The following CHD6 variants were observed in gnomAD, a reference collection of about 807,000 sequenced individuals.
The protein encoded by CHD6 is ATP-dependent chromatin remodeler CHD6.
Under a neutral mutation model 276.9 loss-of-function variants are expected in CHD6, and 50 were observed. That is an observed-to-expected ratio of 0.18 (90% confidence interval 0.14 to 0.23). The LOEUF (loss-of-function observed/expected upper bound fraction) is 0.23, where lower values mean the gene tolerates loss of function less well. Ranked by LOEUF, CHD6 falls within the 10% of genes least tolerant of loss-of-function variation. CHD6 has a pLI of 1.00. For missense variants in CHD6, 2,564 were observed against 3,365.8 expected (o/e 0.76, Z 5.89); for synonymous variants, 1,173 against 1,229.3 (o/e 0.95, Z 0.96).
intron 3 of CHD6, among the ~76,000 whole-genome samples, chr20:41,528,538 C>T (rs894950658): frequency 6.6e-6 from 1 of 152,088 alleles, no homozygotes; most frequent in African/African-American, 2.4e-5. Flanking sequence ...TTCTTTCTTG[C>T]TTAAGTTTTA....
chr20:41,484,532 G>T lies in CHD6; in HGVS notation c.2077C>A (p.Pro693Thr). 6.2e-7 allele frequency: 1 copy of T among 1,613,878 alleles called. No homozygotes were observed. The highest frequency in any genetic ancestry group is 8.5e-7 in the Non-Finnish European group (1 of 1,179,868). ...ACCTCAATGATCGTCTCTTGTTTGG[G>T]AGCAAGGTTCTTTTCCACATCATCT... ...LKDDVEKNLA[P>T]KQETIIEVEL... The change falls in exon 15 of 37, where the codon CCC (proline) becomes ACC (threonine). Residue 693 changes from proline to threonine, a missense_variant. Around this residue, in one of 7 missense-constraint regions of CHD6, gnomAD observed 457 missense variants for 889.0 expected, o/e 0.51. Coordinates refer to ENST00000373233, the MANE Select transcript of CHD6 (RefSeq NM_032221.5).
intron 1 of CHD6, among the ~76,000 whole-genome samples, chr20:41,587,605 TA>T (rs2146252033): frequency 6.6e-6 from 1 of 152,176 alleles, no homozygotes; most frequent in East Asian, 1.9e-4. Context: ...CTTGCAAAAG[TA>T]AAGTTCTCTC....
chr20:41,614,072 T>C (rs2045913546), intron 1 of CHD6, among the ~76,000 whole-genome samples: 1 of 151,400 alleles, frequency 6.6e-6, no homozygotes, highest in South Asian at 2.1e-4. Context: ...AAATCCAAAA[T>C]ATATTAAAAA....
rs1220469636 is a variant in CHD6 at position 41,450,933 on chromosome 20, G to A, written c.3683+13C>T. 6.2e-7 allele frequency: 1 copy of A among 1,606,162 alleles called. No individual in the cohort carries two copies. On this transcript the variant is annotated intron_variant, in intron 23 of 36. Transcript: ENST00000373233. ...CGGGCTGCCACCAGGGTATGGGGAG[G>A]AGGGACACTCACTTGTTGCAGTGCT...
At chr20:41,494,072 T>C in intron 8 of CHD6, 128 bp from the exon 9 acceptor site, 2 of 645,162 alleles carry the variant, frequency 3.1e-6, no homozygotes, top group Non-Finnish European at 2.7e-6. Flanking sequence ...AGGGTTTGCT[T>C]AAGAATAAAA....
intron 36 of CHD6, among the ~76,000 whole-genome samples, chr20:41,409,451 TAAG>T (rs1270523624): frequency 1.3e-5 from 2 of 152,222 alleles, no homozygotes; most frequent in Non-Finnish European, 2.9e-5. Flanking sequence ...CATTCCAGCC[TAAG>T]AAGAACATCC....
intron 17 of CHD6, among the ~76,000 whole-genome samples, chr20:41,467,299 ACAT>A (rs2042942669): frequency 6.6e-6 from 1 of 152,266 alleles, no homozygotes; most frequent in Non-Finnish European, 1.5e-5. Context: ...ATAAAAAAAA[ACAT>A]GAGATAGAGA....
chr20:41,473,312 T>C lies in CHD6; in HGVS notation c.2664+10A>G. On this transcript the variant is annotated intron_variant, in intron 17 of 36. Transcript: ENST00000373233. The surrounding 1 kb of genome is among the most constrained non-coding windows in gnomAD (Gnocchi z 4.1). ...CAGCTAAGGTAAACAGCAATCATCC[T>C]AGTGGTTACCTGCAAGTCATTTTGT... is the stretch of plus-strand genomic sequence containing the variant. 6.2e-7 allele frequency: 1 copy of C among 1,613,470 alleles called. No individual in the cohort carries two copies. The highest frequency in any genetic ancestry group is 8.5e-7 in the Non-Finnish European group (1 of 1,179,732).
At chr20:41,431,201 T>G (rs2047527379) in intron 27 of CHD6, among the ~76,000 whole-genome samples, 1 of 152,182 alleles carries the variant, frequency 6.6e-6, no homozygotes, top group Admixed American at 6.5e-5. Flanking sequence ...TGAGGCTTCA[T>G]GCTGATTTGC....
chr20:41,415,752 A>C (rs2046977303), intron 33 of CHD6, 114 bp from the exon 34 acceptor site: 1 of 802,234 alleles, frequency 1.2e-6, no homozygotes, highest in South Asian at 1.8e-5. Context: ...TCATCTTTTT[A>C]GGAGTTCTTC....
At chr20:41,531,004 T>C (rs1026111721) in intron 3 of CHD6, among the ~76,000 whole-genome samples, 2 of 151,774 alleles carry the variant, frequency 1.3e-5, no homozygotes, top group African/African-American at 4.8e-5. Flanking sequence ...TAACAAAGAC[T>C]GTACATTTTC....
intron 2 of CHD6, among the ~76,000 whole-genome samples, chr20:41,535,310 AT>A (rs1187781487): frequency 6.6e-6 from 1 of 152,216 alleles, no homozygotes; most frequent in African/African-American, 2.4e-5. Flanking sequence ...TCTGCAAGGC[AT>A]GTTTCATGAC....
intron 1 of CHD6, among the ~76,000 whole-genome samples, chr20:41,553,699 T>C (rs1027791318): frequency 2.6e-5 from 4 of 152,236 alleles, no homozygotes; most frequent in Admixed American, 6.5e-5. Flanking sequence ...TCATCTGCGA[T>C]TGCGTACCCT....
At chr20:41,593,822 G>A (rs1193411628) in intron 1 of CHD6, among the ~76,000 whole-genome samples, 1 of 152,052 alleles carries the variant, frequency 6.6e-6, no homozygotes, top group African/African-American at 2.4e-5. Context: ...ATGGCAAGAG[G>A]CAGCTATCTA....
chr20:41,526,370 T>C (rs549386978), intron 3 of CHD6, among the ~76,000 whole-genome samples: 1 of 152,282 alleles, frequency 6.6e-6, no homozygotes, highest in Non-Finnish European at 1.5e-5. Context: ...ACCCCACTAA[T>C]GTAATCTCTT....
At chr20:41,454,368 G>T (rs182424480) in intron 20 of CHD6, among the ~76,000 whole-genome samples, 1 of 152,332 alleles carries the variant, frequency 6.6e-6, no homozygotes, top group African/African-American at 2.4e-5. Context: ...GCCTGAACTT[G>T]ACCTGTGTAT....
intron 3 of CHD6, among the ~76,000 whole-genome samples, chr20:41,521,257 T>C (rs1208568531): frequency 1.3e-5 from 2 of 152,212 alleles, no homozygotes; most frequent in Non-Finnish European, 2.9e-5. Context: ...AACACAGCAT[T>C]TGACTACATA....
In CHD6 at chr20:41,493,373, G is replaced by A. The variant is rs576503016; in HGVS notation, c.1314+165C>T. 2.0e-4 allele frequency among the ~76,000 whole-genome samples: 30 copies of A among 152,256 alleles called. 1 individual carries two copies. The highest frequency in any genetic ancestry group is 7.2e-4 in the African/African-American group (30 of 41,546). On this transcript the variant is annotated intron_variant, in intron 10 of 36. Coordinates refer to ENST00000373233, the MANE Select transcript of CHD6 (RefSeq NM_032221.5). ...TAAAGGTGACAAGGGCGCTGGGAAAGTTCGATCTGGGGTGGAAAACACTGA... is the reference window on the plus strand; with the variant it reads ...TAAAGGTGACAAGGGCGCTGGGAAAATTCGATCTGGGGTGGAAAACACTGA...
At chr20:41,474,080 T>C (rs1211841028) in intron 16 of CHD6, among the ~76,000 whole-genome samples, 1 of 152,170 alleles carries the variant, frequency 6.6e-6, no homozygotes, top group Non-Finnish European at 1.5e-5. Context: ...AACCTCCAAG[T>C]TTATAGCTGA....
Sources: gnomAD v4.1 joint callset for allele counts (sites outside exome capture counted in the v4.1 genomes callset) on GRCh38, gnomAD v4.1.1 for gene constraint, gnomAD v4.1.1 regional missense constraint, Gnocchi (gnomAD v3.1) non-coding constraint, MANE v1.5 for transcripts, NCBI Gene and HGNC (gene_info 2026-07-23, HGNC 2026-07-21) for gene names.